The following CCDC73 variants were observed in gnomAD, a reference collection of about 807,000 sequenced individuals.
The protein encoded by CCDC73 is coiled-coil domain containing 73, also known as coiled-coil domain-containing protein 73.
In CCDC73, 95 loss-of-function variants were observed where a neutral mutation model predicts 116.5. The ratio of observed to expected loss-of-function variants is 0.82; its 90% CI spans 0.69 to 0.97. The LOEUF is 0.97. Ranked by LOEUF, CCDC73 falls within the 50% of genes least tolerant of loss-of-function variation. The pLI is 0.00. For synonymous variants in CCDC73, 398 were observed against 401.3 expected, an observed-to-expected ratio of 0.99 and a Z score of 0.10; for missense variants, 1,066 against 1,206.8, an observed-to-expected ratio of 0.88 and a Z score of 1.73.
At chr11:32,714,705 A>C (rs2133328899) in intron 3 of CCDC73, among the ~76,000 whole-genome samples, 1 of 152,248 alleles carries the variant, frequency 6.6e-6, no homozygotes, top group Non-Finnish European at 1.5e-5. Flanking sequence ...AGACATATTC[A>C]GAAAGAAACA....
At chr11:32,636,755 A>G (rs1276841764) in intron 13 of CCDC73, among the ~76,000 whole-genome samples, 1 of 151,762 alleles carries the variant, frequency 6.6e-6, no homozygotes, top group Non-Finnish European at 1.5e-5. Context: ...CTTTCTGTTC[A>G]TTTCATCTAT....
chr11:32,767,277 A>G (rs1019866140), intron 1 of CCDC73, among the ~76,000 whole-genome samples: 3 of 152,180 alleles, frequency 2.0e-5, no homozygotes, highest in Admixed American at 1.3e-4. Flanking sequence ...TATGTAGAAA[A>G]CTGAAACTGG....
intron 3 of CCDC73, among the ~76,000 whole-genome samples, chr11:32,708,574 TTC>T (rs750931165): frequency 1.3e-5 from 2 of 152,218 alleles, no homozygotes; most frequent in Non-Finnish European, 2.9e-5. Flanking sequence ...CATCTGTGAT[TTC>T]TTTCAGTGGT....
At chr11:32,662,776 G>A (rs936962006) in intron 9 of CCDC73, among the ~76,000 whole-genome samples, 1 of 152,152 alleles carries the variant, frequency 6.6e-6, no homozygotes, top group Non-Finnish European at 1.5e-5. Context: ...CCTATGTCCT[G>A]AATGGTATTG....
chr11:32,828,145 CAAT>C, the CCDC73 span, among the ~76,000 whole-genome samples: 1 of 151,940 alleles, frequency 6.6e-6, no homozygotes, highest in Admixed American at 6.6e-5. Flanking sequence ...AGTTGATTAT[CAAT>C]AATAATAATA....
intron 2 of CCDC73, among the ~76,000 whole-genome samples, chr11:32,719,022 C>G (rs986989348): frequency 1.3e-5 from 2 of 152,098 alleles, no homozygotes; most frequent in African/African-American, 2.4e-5. Flanking sequence ...TGCCAATAAG[C>G]ATCAAGTAAA....
At chr11:32,822,230 G>A in the CCDC73 span, among the ~76,000 whole-genome samples, 2 of 152,098 alleles carry the variant, frequency 1.3e-5, no homozygotes, top group Admixed American at 1.3e-4. Context: ...TTGTTGAGAC[G>A]TTAAAAAGAT....
intron 1 of CCDC73, among the ~76,000 whole-genome samples, chr11:32,781,572 T>C (rs913915765): frequency 6.6e-6 from 1 of 152,116 alleles, no homozygotes; most frequent in African/African-American, 2.4e-5. Flanking sequence ...ACAGATTCCC[T>C]CTCTCTTTCT....
At chr11:32,684,076 G>A (rs914913696) in intron 6 of CCDC73, among the ~76,000 whole-genome samples, 7 of 152,024 alleles carry the variant, frequency 4.6e-5, no homozygotes, top group African/African-American at 1.7e-4. Context: ...TTAAGATACA[G>A]TCACACTGTT....
intron 3 of CCDC73, among the ~76,000 whole-genome samples, chr11:32,716,465 C>G (rs116497490): frequency 5.3e-5 from 8 of 152,142 alleles, no homozygotes; most frequent in Non-Finnish European, 8.8e-5. Context: ...TCATTCCCTT[C>G]TTTTTAAATT....
At chr11:32,747,976 A>C (rs899366698) in intron 2 of CCDC73, among the ~76,000 whole-genome samples, 1 of 152,172 alleles carries the variant, frequency 6.6e-6, no homozygotes, top group African/African-American at 2.4e-5. Context: ...AGTCCCAACG[A>C]GATAAACCAG....
At chr11:32,786,500 CTTG>C (rs1850630568) in intron 1 of CCDC73, among the ~76,000 whole-genome samples, 1 of 142,634 alleles carries the variant, frequency 7.0e-6, no homozygotes, top group East Asian at 2.0e-4. Flanking sequence ...TTATAACATA[CTTG>C]TTATTAATAA....
intron 2 of CCDC73, among the ~76,000 whole-genome samples, chr11:32,720,556 G>A (rs1317001569): frequency 6.6e-6 from 1 of 151,752 alleles, no homozygotes; most frequent in Non-Finnish European, 1.5e-5. Context: ...TAAACAGATT[G>A]GAAAGGAAAA....
the CCDC73 span, among the ~76,000 whole-genome samples, chr11:32,808,135 C>G: frequency 1.3e-5 from 2 of 151,036 alleles, 1 homozygote; most frequent in South Asian, 4.2e-4. Context: ...GAGGCAAACT[C>G]AGAAATTTAA....
intron 1 of CCDC73, among the ~76,000 whole-genome samples, chr11:32,770,164 A>G (rs1421344446): frequency 1.3e-5 from 2 of 152,174 alleles, no homozygotes; most frequent in African/African-American, 4.8e-5. Flanking sequence ...CTCAGCTGGA[A>G]ATGCTGGAAC....
intron 5 of CCDC73, 58 bp from the exon 6 acceptor site, chr11:32,699,383 A>G: frequency 7.0e-7 from 1 of 1,419,322 alleles, no homozygotes; most frequent in East Asian, 2.6e-5. Context: ...TACAAAGGGT[A>G]AAATATAAGA....
intron 9 of CCDC73, among the ~76,000 whole-genome samples, chr11:32,672,949 G>A (rs1470928013): frequency 6.6e-6 from 1 of 152,070 alleles, no homozygotes; most frequent in African/African-American, 2.4e-5. Context: ...ATTGGCAGTT[G>A]TAACAGTGAA....
At chr11:32,807,532 T>G in the CCDC73 span, among the ~76,000 whole-genome samples, 1 of 152,206 alleles carries the variant, frequency 6.6e-6, no homozygotes, top group Non-Finnish European at 1.5e-5. Flanking sequence ...CCAGGACAGC[T>G]TTGAATGCAG....
At chr11:32,772,027 A>G (rs1009969336) in intron 1 of CCDC73, among the ~76,000 whole-genome samples, 1 of 152,230 alleles carries the variant, frequency 6.6e-6, no homozygotes, top group African/African-American at 2.4e-5. Context: ...AACCCCCACA[A>G]CAATCTACAA....
Sources: gnomAD v4.1 joint callset for allele counts (sites outside exome capture counted in the v4.1 genomes callset) on GRCh38, gnomAD v4.1.1 for gene constraint, MANE v1.5 for transcripts, NCBI Gene and HGNC (gene_info 2026-07-23, HGNC 2026-07-21) for gene names.